The following IFT74 variants were observed in gnomAD, a reference collection of about 807,000 sequenced individuals.
IFT74 encodes the protein intraflagellar transport protein 74 homolog.
Under a neutral mutation model 96.7 loss-of-function variants are expected in IFT74, and 92 were observed. That is an observed-to-expected ratio of 0.95 (90% CI 0.80 to 1.13). The LOEUF is 1.13. Ranked by LOEUF, IFT74 falls within the 50% of genes most tolerant of loss-of-function variation. The probability of loss-of-function intolerance (pLI) is 0.00; values close to 1 mark genes in which losing one functional copy is unlikely to be tolerated. For missense variants in IFT74, 811 were observed against 698.2 expected (o/e 1.16, Z -1.82); for synonymous variants, 223 against 213.2 (o/e 1.05, Z -0.40).
At chr9:27,042,669 T>C (rs1023991499) in intron 13 of IFT74, among the ~76,000 whole-genome samples, 2 of 152,180 alleles carry the variant, frequency 1.3e-5, no homozygotes, top group Non-Finnish European at 2.9e-5. Context: ...GATAGTTAAA[T>C]CCTTGTAAAG....
intron 2 of IFT74, among the ~76,000 whole-genome samples, chr9:26,966,038 G>A (rs1826595643): frequency 6.6e-6 from 1 of 151,680 alleles, no homozygotes; most frequent in African/African-American, 2.4e-5. Context: ...GTATATATAT[G>A]TATATACATG....
intron 10 of IFT74, among the ~76,000 whole-genome samples, chr9:27,015,496 G>A (rs925639090): frequency 2.6e-5 from 4 of 152,118 alleles, no homozygotes; most frequent in Non-Finnish European, 5.9e-5. Flanking sequence ...AATTAGCTGG[G>A]CGTGGTGGCA....
At chr9:27,056,241 C>T in intron 17 of IFT74, 93 bp from the exon 18 acceptor site, 2 of 966,320 alleles carry the variant, frequency 2.1e-6, no homozygotes, top group East Asian at 2.7e-5. Flanking sequence ...ATAATTTTAC[C>T]AGAATATAGT....
upstream of IFT74, among the ~76,000 whole-genome samples, chr9:26,954,457 C>G (rs1826019812): frequency 6.6e-6 from 1 of 152,102 alleles, no homozygotes; most frequent in South Asian, 2.1e-4. Context: ...TGATTTGGAG[C>G]TGCCTAATTC....
At chr9:27,062,499 T>C in intron 19 of IFT74, 119 bp from the exon 20 acceptor site, 2 of 598,774 alleles carry the variant, frequency 3.3e-6, no homozygotes, top group South Asian at 5.0e-5. Context: ...TATTTTAAAG[T>C]ATTCTAATTG....
chr9:27,034,296 AATATTG>A (rs1418836548), intron 13 of IFT74, among the ~76,000 whole-genome samples: 1 of 152,202 alleles, frequency 6.6e-6, no homozygotes, highest in Non-Finnish European at 1.5e-5. Context: ...GTGCTATAGG[AATATTG>A]AATTACTGTC....
In IFT74 at chr9:26,957,031, G is replaced by C. The variant is rs538329779; in HGVS notation, c.-20+515G>C. The stretch of plus-strand genomic sequence containing the variant: ...TTTTACAGAAGATGAAATCCTGAGG[G>C]GTTAATTAAGGTGGCAAGATTATGC... On this transcript the variant is annotated intron_variant, in intron 1 of 19. Coordinates refer to ENST00000380062, the MANE Select transcript of IFT74 (RefSeq NM_025103.4). Among the ~76,000 whole-genome samples, 8 of 152,302 alleles carry C rather than the reference G, an allele frequency of 5.3e-5. No homozygotes were observed. In the East Asian group the frequency reaches 1.2e-3, roughly 22 times the overall value.
At position 26,948,449 on chromosome 9, in the gene IFT74, T is replaced by TTATTATTATTATTA. The variant is rs1563926434; in HGVS notation, c.-20+1304_-20+1305insATTATTATTATTAT. Reference sequence around the variant, plus strand: ...GACAACCTGTGATGGCTTTCCATTATTTTTTTTTTTTTTTTTTTTTTTTTT... The same window carrying TTATTATTATTATTA: ...GACAACCTGTGATGGCTTTCCATTATTATTATTATTATTATTTTTTTTTTTTTTTTTTTTTTTTT... On this transcript the variant is annotated intron_variant, in intron 1 of 19. Coordinates refer to the IFT74 transcript ENST00000433700. Among the ~76,000 whole-genome samples, 46 of 25,488 alleles carry TTATTATTATTATTA rather than the reference T, an allele frequency of 1.8e-3. 1 individual carries two copies. Among genetic ancestry groups the TTATTATTATTATTA allele is most frequent in the South Asian group, 7.5e-3 (3 of 398 alleles). The allele number at this position is 25,488 out of a possible 152,430, so 16.7% of individuals were successfully genotyped here. A position where few individuals can be genotyped will look rare whatever the true frequency, so the allele number is the denominator to read the frequency against.
chr9:26,972,941 C>T (rs1415262395), intron 2 of IFT74, among the ~76,000 whole-genome samples: 4 of 152,154 alleles, frequency 2.6e-5, no homozygotes, highest in African/African-American at 9.7e-5. Context: ...ATATCATCCA[C>T]ATACTGAAGC....
In IFT74 at chr9:27,001,362, T is replaced by A. The variant is rs371794988; in HGVS notation, c.588-7658T>A. On this transcript the variant is annotated intron_variant, in intron 8 of 19. Coordinates refer to ENST00000380062, the MANE Select transcript of IFT74 (RefSeq NM_025103.4). Reference sequence around the variant, plus strand: ...CAAATGTAAATGTAAGTGTTATATTTTTAGTTTTTTAAGGAACCTTCATAC... The same window carrying A: ...CAAATGTAAATGTAAGTGTTATATTATTAGTTTTTTAAGGAACCTTCATAC... Among the ~76,000 whole-genome samples the A allele has an allele frequency of 5.3e-5, 8 of 152,082 alleles. No homozygotes were observed. The East Asian group carries it at 5.8e-4, about 11-fold the overall frequency.
intron 1 of IFT74, among the ~76,000 whole-genome samples, chr9:26,948,825 T>C (rs911179376): frequency 6.6e-6 from 1 of 152,140 alleles, no homozygotes; most frequent in Non-Finnish European, 1.5e-5. Flanking sequence ...CTAATCTGTT[T>C]TACTAGATTC....
intron 12 of IFT74, among the ~76,000 whole-genome samples, 179 bp downstream of exon 12, chr9:27,018,866 T>C (rs1347250763): frequency 6.6e-6 from 1 of 152,196 alleles, no homozygotes; most frequent in East Asian, 1.9e-4. Flanking sequence ...TAAGATATAC[T>C]TTATACCATA....
intron 12 of IFT74, among the ~76,000 whole-genome samples, chr9:27,028,031 C>T (rs1829950336): frequency 6.6e-6 from 1 of 152,082 alleles, no homozygotes; most frequent in Non-Finnish European, 1.5e-5. Context: ...GCACTTTTCC[C>T]AGCACCATTT....
intron 1 of IFT74, chr9:26,947,173 G>A: frequency 4.4e-6 from 5 of 1,135,640 alleles, no homozygotes; most frequent in Non-Finnish European, 4.7e-6. Flanking sequence ...GACCGGAAGA[G>A]CCCGAGAGCC....
chr9:26,962,462 T>G lies in IFT74; in HGVS notation c.120+375T>G, dbSNP rs184137531. 2.2e-4 allele frequency among the ~76,000 whole-genome samples: 33 copies of G among 152,302 alleles called. No homozygotes were observed. The East Asian group carries it at 5.4e-3, about 25-fold the overall frequency. On this transcript the variant is annotated intron_variant, in intron 2 of 19. Coordinates refer to ENST00000380062, the MANE Select transcript of IFT74 (RefSeq NM_025103.4). ...GCAATAATTTTAGTTGAATAGTGTA[T>G]TGGGGCCAGAATAAAATGAAATGGA...
At chr9:26,968,449 A>G (rs1208189290) in intron 2 of IFT74, among the ~76,000 whole-genome samples, 3 of 151,998 alleles carry the variant, frequency 2.0e-5, no homozygotes, top group African/African-American at 7.2e-5. Flanking sequence ...TTTAGTAGAG[A>G]CTGGGTTTCA....
intron 8 of IFT74, chr9:26,997,609 C>A: frequency 2.8e-6 from 3 of 1,068,326 alleles, no homozygotes. Context: ...GATGGGATTA[C>A]AGGCATGAGC....
upstream of IFT74, among the ~76,000 whole-genome samples, chr9:26,951,772 G>C (rs13285941): frequency 0.2 from 29,680 of 152,028 alleles, 3,898 homozygotes; most frequent in Non-Finnish European, 0.27. Flanking sequence ...GGTGGTATGC[G>C]CCTGTAGTCC....
At chr9:27,015,090 C>T (rs949102398) in intron 10 of IFT74, among the ~76,000 whole-genome samples, 1 of 152,134 alleles carries the variant, frequency 6.6e-6, no homozygotes, top group Non-Finnish European at 1.5e-5. Context: ...CTTAAGTCTT[C>T]CAGAACAATT....
Sources: allele counts gnomAD v4.1 joint callset (sites outside exome capture counted in the v4.1 genomes callset), GRCh38; gene constraint gnomAD v4.1.1; transcripts MANE v1.5; gene names NCBI Gene and HGNC (gene_info 2026-07-23, HGNC 2026-07-21).